ASTN2: variants seen among roughly 807,000 people sequenced by gnomAD.
ASTN2 encodes the protein astrotactin 2.
Under a neutral mutation model 139.8 loss-of-function variants are expected in ASTN2, and 54 were observed. The ratio of observed to expected loss-of-function variants is 0.39; its 90% CI spans 0.31 to 0.48. The LOEUF is 0.48. Among genes scored for constraint, ASTN2 ranks in the 20% least tolerant of loss-of-function variants. The probability of loss-of-function intolerance (pLI) is 0.95; values close to 1 mark genes in which losing one functional copy is unlikely to be tolerated. For missense variants in ASTN2, 1,565 were observed against 1,725.1 expected (o/e 0.91, Z 1.64); for synonymous variants, 756 against 719.5 (o/e 1.05, Z -0.81).
intron 17 of ASTN2, among the ~76,000 whole-genome samples, chr9:116,647,195 ACT>A (rs1827618592): frequency 6.6e-6 from 1 of 152,032 alleles, no homozygotes; most frequent in African/African-American, 2.4e-5. Flanking sequence ...TACAGTCTTG[ACT>A]CTACTTATTA....
At chr9:117,174,764 T>C (rs1830876889) in intron 3 of ASTN2, among the ~76,000 whole-genome samples, 1 of 152,026 alleles carries the variant, frequency 6.6e-6, no homozygotes, top group African/African-American at 2.4e-5. Context: ...GAAAAATGAT[T>C]AGTATATTAG....
intron 1 of ASTN2, among the ~76,000 whole-genome samples, chr9:117,311,498 C>T (rs1023419289): frequency 6.6e-6 from 1 of 152,090 alleles, no homozygotes; most frequent in African/African-American, 2.4e-5. Flanking sequence ...GAGCATAGCC[C>T]ATCCAGAATC....
At chr9:116,633,379 G>A (rs1856903995) in intron 17 of ASTN2, among the ~76,000 whole-genome samples, 1 of 152,190 alleles carries the variant, frequency 6.6e-6, no homozygotes, top group Admixed American at 6.5e-5. Context: ...CTCCTGGACT[G>A]CCCAGTCCTG....
chr9:117,139,475 A>G (rs565726362), intron 4 of ASTN2, among the ~76,000 whole-genome samples: 1 of 152,248 alleles, frequency 6.6e-6, no homozygotes, highest in East Asian at 1.9e-4. Flanking sequence ...AATGGTTTAA[A>G]CCTGGGGTTT....
At chr9:116,841,717 A>T (rs540326414) in intron 11 of ASTN2, among the ~76,000 whole-genome samples, 1 of 152,224 alleles carries the variant, frequency 6.6e-6, no homozygotes, top group Non-Finnish European at 1.5e-5. Flanking sequence ...CATTGGAGAA[A>T]ATAACTCCTT....
chr9:116,476,164 T>C (rs1158528060), intron 20 of ASTN2, among the ~76,000 whole-genome samples: 4 of 152,164 alleles, frequency 2.6e-5, no homozygotes, highest in Admixed American at 1.3e-4. Context: ...GCCCGAGGTG[T>C]TCCTTGGCTT....
Position 116,600,504 on chromosome 9 carries a change from C to G in ASTN2, c.3355+17820G>C, listed in dbSNP as rs145082535. On this transcript the variant is annotated intron_variant, in intron 19 of 22. Coordinates refer to ENST00000313400, the MANE Select transcript of ASTN2 (RefSeq NM_001365068.1). The stretch of plus-strand genomic sequence containing the variant: ...GAAGATGTAAATTCAATTCTTGACT[C>G]CACACTTATAAGAAGTTTGACCTTC... Among the ~76,000 whole-genome samples, 20 of 152,180 alleles carry G rather than the reference C, an allele frequency of 1.3e-4. No individual in the cohort carries two copies. The East Asian group carries it at 3.3e-3, about 25-fold the overall frequency.
chr9:116,983,440 C>T (rs1836572832), intron 7 of ASTN2, among the ~76,000 whole-genome samples: 1 of 152,180 alleles, frequency 6.6e-6, no homozygotes, highest in South Asian at 2.1e-4. Context: ...AGCTAACACT[C>T]GACTAGTCAG....
chr9:116,632,158 C>G (rs4836792), intron 17 of ASTN2, among the ~76,000 whole-genome samples: 3,720 of 36,890 alleles, frequency 0.1, 60 homozygotes, highest in Middle Eastern at 0.25. Context: ...GAGAGAGAGA[C>G]AGAGAGAGAG....
At chr9:117,108,470 C>CACACACACACACACACACACACA (rs149320068) in intron 4 of ASTN2, among the ~76,000 whole-genome samples, 1 of 150,954 alleles carries the variant, frequency 6.6e-6, no homozygotes. Context: ...CACACACACA[C>CACACACACACACACACACACACA]ATTTTGTTCA....
chr9:116,609,379 GTATATATATATA>G (rs56938236), intron 19 of ASTN2, among the ~76,000 whole-genome samples: 84 of 116,550 alleles, frequency 7.2e-4, no homozygotes, highest in Admixed American at 9.5e-4. Flanking sequence ...ATATATGGGT[GTATATATATATA>G]TATATATATA....
At chr9:116,945,939 C>T (rs577827074) in intron 10 of ASTN2, among the ~76,000 whole-genome samples, 1 of 152,118 alleles carries the variant, frequency 6.6e-6, no homozygotes, top group Non-Finnish European at 1.5e-5. Context: ...AACTGGGAGG[C>T]CTTAGGAAAC....
At chr9:116,704,755 C>T (rs951852215) in intron 16 of ASTN2, among the ~76,000 whole-genome samples, 1 of 152,142 alleles carries the variant, frequency 6.6e-6, no homozygotes, top group Non-Finnish European at 1.5e-5. Context: ...TACTCATTCA[C>T]AGCAATGTAT....
intron 4 of ASTN2, among the ~76,000 whole-genome samples, chr9:117,103,651 T>C (rs1829035414): frequency 6.6e-6 from 1 of 152,186 alleles, no homozygotes; most frequent in Non-Finnish European, 1.5e-5. Context: ...GCTATCATGA[T>C]GGATGGTGGT....
At chr9:116,451,482 A>G (rs1055343665) in intron 20 of ASTN2, among the ~76,000 whole-genome samples, 1 of 151,956 alleles carries the variant, frequency 6.6e-6, no homozygotes, top group African/African-American at 2.4e-5. Flanking sequence ...TTTTGCTGTC[A>G]TGGAGCTCAC....
Position 116,820,761 on chromosome 9 carries a change from A to G in ASTN2, c.2063T>C (p.Met688Thr), listed in dbSNP as rs771348581. The change falls in exon 12 of 23, where the codon ATG (methionine) becomes ACG (threonine). Residue 688 changes from methionine to threonine, a missense_variant. Around this residue, in one of 4 missense-constraint regions of ASTN2, gnomAD observed 503 missense variants for 591.7 expected, o/e 0.85. Transcript: ENST00000313400. Reference protein sequence around the residue: ...GCVCPEELKPMKDGSGCYDHS... With the variant: ...GCVCPEELKPTKDGSGCYDHS... ...GTCGTAGCAGCCAGAGCCATCCTTC[A>G]TGGGTTTCAGCTCCTCAGGGCACTG... 3 of 1,613,950 alleles carry G rather than the reference A, an allele frequency of 1.9e-6. No homozygotes were observed. Among genetic ancestry groups the G allele is most frequent in the South Asian group, 1.1e-5 (1 of 91,060 alleles).
Position 116,725,875 on chromosome 9 carries a change from C to G in ASTN2, c.2702G>C (p.Gly901Ala). Reference protein sequence around the residue: ...EELLSFIQHYGSHYIAEALYG... With the variant: ...EELLSFIQHYASHYIAEALYG... ...GAGGGCCTCTGCGATGTAGTGGGAG[C>G]CATAGTGCTGGATGAAGGACAGCAG... Residue 901 changes from glycine to alanine, a missense_variant, in exon 16 of 23, where the codon GGC becomes GCC. By Grantham distance (60) the Gly-to-Ala change is moderately conservative. Transcript: ENST00000313400. 1 of 1,614,006 alleles carries G rather than the reference C, an allele frequency of 6.2e-7. No individual in the cohort carries two copies. The highest frequency in any genetic ancestry group is 8.5e-7 in the Non-Finnish European group (1 of 1,180,008).
chr9:117,408,667 A>G (rs1354156504), intron 1 of ASTN2, among the ~76,000 whole-genome samples: 3 of 152,198 alleles, frequency 2.0e-5, no homozygotes, highest in Non-Finnish European at 4.4e-5. Flanking sequence ...GAAAATGATC[A>G]AGCCATGGGT....
chr9:116,531,265 T>A (rs1398334367), intron 19 of ASTN2, among the ~76,000 whole-genome samples: 1 of 152,204 alleles, frequency 6.6e-6, no homozygotes, highest in Admixed American at 6.5e-5. Context: ...CGTATTTATG[T>A]CTTAAATGTA....
Sources: gnomAD v4.1 joint callset for allele counts (sites outside exome capture counted in the v4.1 genomes callset) on GRCh38, gnomAD v4.1.1 for gene constraint, gnomAD v4.1.1 regional missense constraint, MANE v1.5 for transcripts, NCBI Gene and HGNC (gene_info 2026-07-23, HGNC 2026-07-21) for gene names.